The following SAMTOR variants were observed in gnomAD, a reference collection of about 807,000 sequenced individuals.
SAMTOR encodes UPF0532 protein C7orf60.
chr7:112,865,711 AT>A, the SAMTOR span, among the ~76,000 whole-genome samples: 20 of 145,800 alleles, frequency 1.4e-4, no homozygotes, highest in African/African-American at 4.8e-4. Context: ...ATATTCATAT[AT>A]ATTTCATATA....
chr7:112,905,149 A>G, the SAMTOR span, among the ~76,000 whole-genome samples: 3,428 of 152,136 alleles, frequency 0.023, 65 homozygotes, highest in Admixed American at 0.042. Context: ...TAAACCGTTT[A>G]CTCTGCCCTG....
chr7:112,905,666 G>T, the SAMTOR span, among the ~76,000 whole-genome samples: 1 of 151,966 alleles, frequency 6.6e-6, no homozygotes, highest in Non-Finnish European at 1.5e-5. Flanking sequence ...AATCTAAGAA[G>T]AAAACACATT....
the SAMTOR span, among the ~76,000 whole-genome samples, chr7:112,887,600 A>C: frequency 2.6e-5 from 4 of 152,170 alleles, no homozygotes; most frequent in Non-Finnish European, 4.4e-5. Flanking sequence ...AAAGGCAGTT[A>C]ATTATTTCTT....
the SAMTOR span, among the ~76,000 whole-genome samples, chr7:112,850,306 G>C: frequency 2.0e-5 from 3 of 152,182 alleles, no homozygotes; most frequent in African/African-American, 7.2e-5. Context: ...TGGTGTGCTA[G>C]TATTTTGTTA....
the SAMTOR span, among the ~76,000 whole-genome samples, chr7:112,924,523 A>G: frequency 6.6e-6 from 1 of 152,150 alleles, no homozygotes; most frequent in Non-Finnish European, 1.5e-5. Flanking sequence ...TAAGATGACT[A>G]TATATCAGTC....
chr7:112,892,546 A>G, the SAMTOR span, among the ~76,000 whole-genome samples: 1 of 152,134 alleles, frequency 6.6e-6, no homozygotes, highest in East Asian at 1.9e-4. Context: ...AGACGGGAGG[A>G]TTGCTTGAGT....
At chr7:112,933,138 T>A in the SAMTOR span, among the ~76,000 whole-genome samples, 4 of 152,134 alleles carry the variant, frequency 2.6e-5, no homozygotes, top group Non-Finnish European at 4.4e-5. Context: ...TTTTGTTACT[T>A]AAGGAGGGTA....
At chr7:112,935,270 G>GA in the SAMTOR span, 36 of 422,764 alleles carry the variant, frequency 8.5e-5, no homozygotes, top group Admixed American at 1.7e-4. Context: ...GCCCACTGAG[G>GA]AAAAAAAATA....
chr7:112,883,609 G>GGTAAT, the SAMTOR span, among the ~76,000 whole-genome samples: 1 of 152,146 alleles, frequency 6.6e-6, no homozygotes, highest in African/African-American at 2.4e-5. Flanking sequence ...ACTGACTACT[G>GGTAAT]GTAATGCTTC....
chr7:112,909,989 A>C, the SAMTOR span, among the ~76,000 whole-genome samples: 4 of 152,088 alleles, frequency 2.6e-5, no homozygotes, highest in Middle Eastern at 3.4e-3. Context: ...CCACTAAATG[A>C]AACTAGGACT....
the SAMTOR span, among the ~76,000 whole-genome samples, chr7:112,827,492 C>T: frequency 1.3e-5 from 2 of 152,116 alleles, no homozygotes; most frequent in African/African-American, 2.4e-5. Context: ...TATTACACCA[C>T]TTAATGTATA....
the SAMTOR span, among the ~76,000 whole-genome samples, chr7:112,831,598 T>G: frequency 2.0e-5 from 3 of 152,092 alleles, no homozygotes; most frequent in Admixed American, 2.0e-4. Context: ...TAAGTTGCAG[T>G]GAGTGATCAT....
the SAMTOR span, among the ~76,000 whole-genome samples, chr7:112,921,395 T>C: frequency 6.6e-6 from 1 of 151,460 alleles, no homozygotes; most frequent in East Asian, 1.9e-4. Context: ...GCTAGCCATA[T>C]GTAGAAAGCT....
At chr7:112,903,853 A>G in the SAMTOR span, among the ~76,000 whole-genome samples, 1 of 152,220 alleles carries the variant, frequency 6.6e-6, no homozygotes, top group African/African-American at 2.4e-5. Flanking sequence ...CTCAGAGAAC[A>G]TCATAATTCC....
the SAMTOR span, among the ~76,000 whole-genome samples, chr7:112,931,096 T>C: frequency 6.6e-6 from 1 of 152,214 alleles, no homozygotes; most frequent in Non-Finnish European, 1.5e-5. Flanking sequence ...TGGCTGCCAA[T>C]TCTGGCTGCA....
the SAMTOR span, among the ~76,000 whole-genome samples, chr7:112,926,217 T>A: frequency 6.6e-6 from 1 of 152,182 alleles, no homozygotes; most frequent in Admixed American, 6.5e-5. Context: ...CTATCTACCA[T>A]GGGTGAGGAC....
the SAMTOR span, among the ~76,000 whole-genome samples, chr7:112,861,979 T>C: frequency 2.2e-4 from 33 of 152,318 alleles, no homozygotes; most frequent in African/African-American, 7.2e-4. Context: ...AGAGGCCAGG[T>C]ACAGCGGCTC....
At chr7:112,928,706 AT>A in the SAMTOR span, among the ~76,000 whole-genome samples, 1,336 of 152,118 alleles carry the variant, frequency 8.8e-3, 17 homozygotes, top group South Asian at 0.017. Flanking sequence ...CAGAATTTAA[AT>A]TTTTCACAAT....
At chr7:112,821,014 T>C in the SAMTOR span, 6 of 152,572 alleles carry the variant, frequency 3.9e-5, 1 homozygote, top group South Asian at 1.2e-3. Flanking sequence ...CAGGTAAATA[T>C]ACTTCACACC....
Sources: allele counts gnomAD v4.1 joint callset (sites outside exome capture counted in the v4.1 genomes callset), GRCh38; gene constraint gnomAD v4.1.1; transcripts MANE v1.5; gene names NCBI Gene and HGNC (gene_info 2026-07-23, HGNC 2026-07-21).